Variants in JAK2 observed in about 807,000 individuals in gnomAD.
The protein encoded by JAK2 is tyrosine-protein kinase JAK2.
Under a neutral mutation model 139.3 loss-of-function variants are expected in JAK2, and 86 were observed. The observed-to-expected ratio is 0.62, with a 90% CI of 0.52 to 0.74. The LOEUF (loss-of-function observed/expected upper bound fraction) is 0.74. Among genes scored for constraint, JAK2 ranks in the 30% least tolerant of loss-of-function variants. The pLI is 0.00. For missense variants in JAK2, 1,421 were observed against 1,360.3 expected, an observed-to-expected ratio of 1.04 and a Z score of -0.70; for synonymous variants, 490 against 437.7, an observed-to-expected ratio of 1.12 and a Z score of -1.49.
At chr9:5,003,123 G>C (rs1821028605) in intron 2 of JAK2, among the ~76,000 whole-genome samples, 1 of 151,822 alleles carries the variant, frequency 6.6e-6, no homozygotes, top group Non-Finnish European at 1.5e-5. Flanking sequence ...CAATCTGCTT[G>C]TTCTATCTTT....
intron 4 of JAK2, among the ~76,000 whole-genome samples, chr9:5,030,784 A>G (rs1275924623): frequency 2.6e-5 from 4 of 152,154 alleles, no homozygotes; most frequent in Admixed American, 2.0e-4. Flanking sequence ...TATTCTATAT[A>G]AAAATATGCA....
At chr9:5,086,008 A>G in intron 19 of JAK2, 1 of 821,908 alleles carries the variant, frequency 1.2e-6, no homozygotes, top group Non-Finnish European at 2.2e-6. Flanking sequence ...TGAAACTGTG[A>G]TATACTATAT....
At chr9:4,989,367 A>G (rs1035838473) in intron 2 of JAK2, among the ~76,000 whole-genome samples, 6 of 151,810 alleles carry the variant, frequency 4.0e-5, no homozygotes, top group African/African-American at 1.5e-4. Context: ...GCCATGCTTT[A>G]GTTGTTTGAT....
chr9:5,112,001 G>T, intron 22 of JAK2: 1 of 380,018 alleles, frequency 2.6e-6, no homozygotes, highest in South Asian at 2.0e-5. Context: ...TGGGAGGGAC[G>T]TCGCACTAGC....
rs567084007 is a variant in JAK2 at position 5,110,692 on chromosome 9, ATTACTC to A, written c.3060-12306_3060-12301del. 3.0e-3 allele frequency: 985 copies of A among 333,032 alleles called. 14 individuals are homozygous for A. Among genetic ancestry groups the A allele is most frequent in the African/African-American group, 0.02 (935 of 46,386 alleles). 20.6% of individuals were successfully genotyped at this position (333,032 alleles called of 1,614,324 possible). A position where few individuals can be genotyped will look rare whatever the true frequency, so the allele number is the denominator to read the frequency against. Reference sequence around the variant, plus strand: ...ATATACCAACGCCTGAGCCCTTTCTATTACTCTTACTGCCACCTCCTTAACTGCTGG... The same window carrying A: ...ATATACCAACGCCTGAGCCCTTTCTATTACTGCCACCTCCTTAACTGCTGG... On this transcript the variant is annotated intron_variant, in intron 22 of 24. Transcript: ENST00000381652.
chr9:5,081,895 A>T, intron 19 of JAK2, 34 bp downstream of exon 19: 1 of 1,554,170 alleles, frequency 6.4e-7, no homozygotes, highest in East Asian at 2.2e-5. Context: ...ATAGAGTATA[A>T]TCATTTCATT....
chr9:5,047,852 C>T lies in JAK2; in HGVS notation c.469-2834C>T, dbSNP rs1817125483. Among the ~76,000 whole-genome samples the T allele has an allele frequency of 5.3e-5, 8 of 152,224 alleles. No individual in the cohort carries two copies. In the South Asian group the frequency reaches 1.7e-3, roughly 32 times the overall value. ...CTGGCTTCAAATGATCCTCCTACCT[C>T]AGCCTCCCAAAGTGCTGGGAGTACG... On this transcript the variant is annotated intron_variant, in intron 5 of 24. Coordinates refer to ENST00000381652, the MANE Select transcript of JAK2 (RefSeq NM_004972.4).
At position 4,997,152 on chromosome 9, in the gene JAK2, G is replaced by C. The variant is rs1195012144; in HGVS notation, c.-26+11130G>C. ...TCACCGTGTCACTCAGTCTGGTCTT[G>C]AACTCCTGGGCTCCAGCAATCTTTC... On this transcript the variant is annotated intron_variant, in intron 2 of 24. Transcript: ENST00000381652. Among the ~76,000 whole-genome samples the C allele has an allele frequency of 4.0e-5, 6 of 151,870 alleles. No individual in the cohort carries two copies. In the East Asian group the frequency reaches 1.2e-3, roughly 29 times the overall value.
At chr9:5,116,463 A>C (rs1260876224) in intron 22 of JAK2, among the ~76,000 whole-genome samples, 1 of 152,170 alleles carries the variant, frequency 6.6e-6, no homozygotes, top group Admixed American at 6.5e-5. Flanking sequence ...AAAAAGTAAG[A>C]CTCATCTAAA....
At chr9:5,009,666 G>A (rs75401706) in intron 2 of JAK2, among the ~76,000 whole-genome samples, 12,818 of 152,004 alleles carry the variant, frequency 0.084, 1,580 homozygotes, top group African/African-American at 0.28. Context: ...CATCCTAACT[G>A]TAATAATCCT....
chr9:5,092,808 G>T (rs1337030869), intron 22 of JAK2, among the ~76,000 whole-genome samples: 1 of 152,166 alleles, frequency 6.6e-6, no homozygotes, highest in East Asian at 1.9e-4. Context: ...CTGATAGCTG[G>T]TTGTCCAAGA....
intron 22 of JAK2, among the ~76,000 whole-genome samples, chr9:5,122,359 C>T (rs1823682735): frequency 6.6e-6 from 1 of 152,004 alleles, no homozygotes; most frequent in Non-Finnish European, 1.5e-5. Flanking sequence ...CTTAGTCACC[C>T]CTCTTCTGGT....
At chr9:5,051,100 T>C (rs1415933828) in intron 6 of JAK2, among the ~76,000 whole-genome samples, 1 of 152,190 alleles carries the variant, frequency 6.6e-6, no homozygotes. Flanking sequence ...CAAAAAGTTC[T>C]GGATTTTGGA....
In JAK2 at chr9:5,064,885, A is replaced by C. The variant is rs756508527; in HGVS notation, c.1059A>C (p.Glu353Asp). The C allele has an allele frequency of 6.4e-7, 1 of 1,571,212 alleles. No homozygotes were observed. The highest frequency in any genetic ancestry group is 8.6e-7 in the Non-Finnish European group (1 of 1,159,638). The change falls in exon 9 of 25, where the codon GAA becomes GAC. Residue 353 changes from glutamate to aspartate, a missense_variant and splice_region_variant. Transcript: ENST00000381652. Reference sequence around the variant, plus strand: ...TTCTTTTTCTTTTCTCTGCTTAGGAAATTGAACTTAGCTCATTAAGGGAAG... The same window carrying C: ...TTCTTTTTCTTTTCTCTGCTTAGGACATTGAACTTAGCTCATTAAGGGAAG... Reference protein sequence around the residue: ...TIHKQDGKNLEIELSSLREAL... With the variant: ...TIHKQDGKNLDIELSSLREAL...
In JAK2 at chr9:5,054,934, A is replaced by C. The variant is rs1040229705; in HGVS notation, c.936+50A>C. ...TTCTTTGTTATTTTAAGTACAATGG[A>C]AATAAAAACAAAGTAATTTTAATCA... On this transcript the variant is annotated intron_variant, in intron 7 of 24. Transcript: ENST00000381652. This position sits in a 1 kb window ranked among gnomAD's most constrained non-coding sequence, Gnocchi z 4.9. 1.4e-5 allele frequency: 18 copies of C among 1,309,796 alleles called. No individual in the cohort carries two copies. The African/African-American group carries it at 2.7e-4, about 20-fold the overall frequency. The allele number at this position is 1,309,796 out of a possible 1,614,324, so 81.1% of individuals were successfully genotyped here.
intron 2 of JAK2, among the ~76,000 whole-genome samples, chr9:5,018,511 G>A (rs770138096): frequency 4.6e-5 from 7 of 151,980 alleles, no homozygotes; most frequent in Non-Finnish European, 1.0e-4. Context: ...TAATTCTTTT[G>A]TATTTTTCGT....
At chr9:5,062,580 T>A (rs2130473201) in intron 8 of JAK2, among the ~76,000 whole-genome samples, 1 of 144,416 alleles carries the variant, frequency 6.9e-6, no homozygotes, top group South Asian at 2.2e-4. Flanking sequence ...AAACAAAATG[T>A]GTCTGTATAT....
Position 5,126,121 on chromosome 9 carries a change from G to C in JAK2, c.3178-212G>C, listed in dbSNP as rs569383174. ...GAGCCCTCCTCAGGGGATTTGTGTT[G>C]AGTTTATTACAGCTATGGAAATGGA... On this transcript the variant is annotated intron_variant, in intron 23 of 24. Transcript: ENST00000381652. The C allele has an allele frequency of 4.8e-5, 20 of 420,206 alleles. No homozygotes were observed. In the South Asian group the frequency reaches 8.4e-4, roughly 18 times the overall value. The allele number at this position is 420,206 out of a possible 1,614,324, so 26.0% of individuals were successfully genotyped here.
Position 5,080,416 on chromosome 9 carries a change from C to T in JAK2, c.2283+36C>T, listed in dbSNP as rs541927596. 89 of 1,557,310 alleles carry T rather than the reference C, an allele frequency of 5.7e-5. 1 individual carries two copies. Among genetic ancestry groups the T allele is most frequent in the Admixed American group, 4.5e-4 (23 of 51,364 alleles). On this transcript the variant is annotated intron_variant, in intron 17 of 24. Transcript: ENST00000381652. ...ATAGACTAAGTTAGAATTACTCTAT[C>T]TCTGAACTTTCATATTTCTTTCACA... is the stretch of plus-strand genomic sequence containing the variant.
Sources: allele counts gnomAD v4.1 joint callset (sites outside exome capture counted in the v4.1 genomes callset), GRCh38; gene constraint gnomAD v4.1.1; non-coding constraint Gnocchi (gnomAD v3.1); transcripts MANE v1.5; gene names NCBI Gene and HGNC (gene_info 2026-07-23, HGNC 2026-07-21).